C12orf42: variants seen among roughly 807,000 people sequenced by gnomAD.
C12orf42 encodes the protein uncharacterized protein C12orf42.
Under a neutral mutation model 21.6 loss-of-function variants are expected in C12orf42, and 25 were observed. The observed-to-expected ratio is 1.16, with a 90% CI of 0.84 to 1.62. The LOEUF (loss-of-function observed/expected upper bound fraction) is 1.62. Among genes scored for constraint, C12orf42 ranks in the 40% most tolerant of loss-of-function variants. The pLI, the probability that C12orf42 is intolerant of heterozygous loss-of-function variation, is 0.00. For synonymous variants in C12orf42, 174 were observed against 175.0 expected (o/e 0.99, Z 0.05); for missense variants, 483 against 459.3 (o/e 1.05, Z -0.47).
intron 4 of C12orf42, among the ~76,000 whole-genome samples, chr12:103,308,373 G>A (rs1593365624): frequency 6.6e-6 from 1 of 152,156 alleles, no homozygotes; most frequent in African/African-American, 2.4e-5. Flanking sequence ...TTCAAACTCT[G>A]GGTAACTTCT....
chr12:103,349,098 A>G (rs567566853), intron 4 of C12orf42: 1 of 152,310 alleles, frequency 6.6e-6, no homozygotes, highest in Non-Finnish European at 1.5e-5. Context: ...AGGAGGTCAC[A>G]TGACTTAGTT....
intron 4 of C12orf42, among the ~76,000 whole-genome samples, chr12:103,332,463 AT>A (rs1448379931): frequency 6.6e-6 from 1 of 152,246 alleles, no homozygotes; most frequent in African/African-American, 2.4e-5. Context: ...TGACACACCC[AT>A]TTTAAAAGTC....
At chr12:103,484,224 G>A (rs866523421) in intron 1 of C12orf42, among the ~76,000 whole-genome samples, 2 of 152,194 alleles carry the variant, frequency 1.3e-5, no homozygotes, top group African/African-American at 4.8e-5. Flanking sequence ...TTAGATCCTT[G>A]AGGAATCGCC....
chr12:103,388,605 G>A (rs1351006926), intron 3 of C12orf42, among the ~76,000 whole-genome samples: 2 of 152,156 alleles, frequency 1.3e-5, no homozygotes, highest in Non-Finnish European at 2.9e-5. Flanking sequence ...ACTTTTAGAT[G>A]CCTGAAATAT....
chr12:103,142,726 T>G, the C12orf42 span, among the ~76,000 whole-genome samples: 1 of 152,332 alleles, frequency 6.6e-6, no homozygotes, highest in East Asian at 1.9e-4. Flanking sequence ...AAAACCTCCA[T>G]GTGAATTTCT....
intron 5 of C12orf42, among the ~76,000 whole-genome samples, chr12:103,272,799 T>G (rs1411071484): frequency 1.3e-5 from 2 of 152,080 alleles, no homozygotes; most frequent in African/African-American, 4.8e-5. Context: ...CAGGTTAACT[T>G]AAGTCTGCAG....
At chr12:103,391,944 A>G (rs896735238) in intron 3 of C12orf42, among the ~76,000 whole-genome samples, 3 of 152,086 alleles carry the variant, frequency 2.0e-5, no homozygotes, top group African/African-American at 7.2e-5. Context: ...TTTCTTCTGA[A>G]TTTTATAGCT....
intron 4 of C12orf42, among the ~76,000 whole-genome samples, chr12:103,329,540 A>G (rs936991769): frequency 1.3e-5 from 2 of 152,098 alleles, no homozygotes; most frequent in Non-Finnish European, 2.9e-5. Context: ...CAGAACTTAA[A>G]GTAAAATAAA....
At chr12:103,520,524 TAACAACAACAACAACAAC>T in the C12orf42 span, among the ~76,000 whole-genome samples, 1 of 149,840 alleles carries the variant, frequency 6.7e-6, no homozygotes, top group Middle Eastern at 3.2e-3. Flanking sequence ...CCTCTGCCCC[TAACAACAACAACAACAAC>T]AACAACAACA....
At chr12:103,279,064 T>C (rs2035947472) in intron 4 of C12orf42, among the ~76,000 whole-genome samples, 1 of 152,206 alleles carries the variant, frequency 6.6e-6, no homozygotes, top group African/African-American at 2.4e-5. Context: ...CCTTCTCTTT[T>C]AAGGCTGAAT....
the C12orf42 span, among the ~76,000 whole-genome samples, chr12:103,086,036 T>A: frequency 5.9e-5 from 9 of 152,210 alleles, no homozygotes; most frequent in Non-Finnish European, 1.3e-4. Flanking sequence ...AGCAGAACTT[T>A]TTTTGTTAGA....
chr12:103,475,329 A>T (rs1466933420), intron 2 of C12orf42, among the ~76,000 whole-genome samples: 2 of 152,240 alleles, frequency 1.3e-5, no homozygotes, highest in South Asian at 2.1e-4. Flanking sequence ...CTAGTCAAAC[A>T]TGCAAAACAA....
chr12:103,520,524 T>TAAC, the C12orf42 span, among the ~76,000 whole-genome samples: 15,550 of 149,896 alleles, frequency 0.1, 989 homozygotes, highest in East Asian at 0.26. Context: ...CCTCTGCCCC[T>TAAC]AACAACAACA....
chr12:103,513,040 TC>T, the C12orf42 span, among the ~76,000 whole-genome samples: 2 of 151,114 alleles, frequency 1.3e-5, no homozygotes, highest in East Asian at 3.9e-4. Flanking sequence ...CACCCACTCC[TC>T]TGCCAGCCCA....
At chr12:103,185,086 A>T in the C12orf42 span, among the ~76,000 whole-genome samples, 4 of 152,200 alleles carry the variant, frequency 2.6e-5, no homozygotes, top group Non-Finnish European at 4.4e-5. Context: ...CCCTAAAAAA[A>T]CTAATACAGT....
chr12:103,214,178 C>G, the C12orf42 span, among the ~76,000 whole-genome samples: 1 of 152,154 alleles, frequency 6.6e-6, no homozygotes, highest in African/African-American at 2.4e-5. Context: ...TGAATAATTA[C>G]ACTATAGCTT....
Position 103,239,598 on chromosome 12 carries a change from T to C in C12orf42, c.*1367-1696A>G, listed in dbSNP as rs1006921186. 4.6e-5 allele frequency among the ~76,000 whole-genome samples: 7 copies of C among 152,208 alleles called. No homozygotes were observed. The East Asian group carries it at 1.3e-3, about 29-fold the overall frequency. On this transcript the variant is annotated intron_variant and NMD_transcript_variant, in intron 10 of 10. Transcript: ENST00000547347. ...ATAACAGAATCTCATGGGCCCTGCC[T>C]ATCTTCCTGTATCAGACCATAGGTG...
intron 4 of C12orf42, chr12:103,349,127 G>C (rs1412036678): frequency 6.6e-6 from 1 of 152,180 alleles, no homozygotes; most frequent in Non-Finnish European, 1.5e-5. Flanking sequence ...TGAGATCTGA[G>C]GGGAAGTCTG....
intron 2 of C12orf42, among the ~76,000 whole-genome samples, chr12:103,424,202 G>A (rs1949609271): frequency 6.6e-6 from 1 of 152,160 alleles, no homozygotes; most frequent in Non-Finnish European, 1.5e-5. Context: ...ACATGCCATG[G>A]GCACAAAAAA....
Sources: allele counts gnomAD v4.1 joint callset (sites outside exome capture counted in the v4.1 genomes callset), GRCh38; gene constraint gnomAD v4.1.1; transcripts MANE v1.5; gene names NCBI Gene and HGNC (gene_info 2026-07-23, HGNC 2026-07-21).